TEX9: variants seen among roughly 807,000 people sequenced by gnomAD.
TEX9 encodes testis-expressed protein 9.
In TEX9, 74 loss-of-function variants were observed where a neutral mutation model predicts 59.6. That is an observed-to-expected ratio of 1.24 (90% confidence interval 1.03 to 1.51). TEX9 has a LOEUF of 1.51. Ranked by LOEUF, TEX9 falls within the 40% of genes most tolerant of loss-of-function variation. The probability of loss-of-function intolerance (pLI) is 0.00; values close to 1 mark genes in which losing one functional copy is unlikely to be tolerated. For missense variants in TEX9, 522 were observed against 447.8 expected (o/e 1.17, Z -1.49); for synonymous variants, 186 against 152.2 (o/e 1.22, Z -1.64).
chr15:56,296,049 A>C (rs2045210072), intron 1 of TEX9, among the ~76,000 whole-genome samples: 1 of 152,140 alleles, frequency 6.6e-6, no homozygotes, highest in African/African-American at 2.4e-5. Flanking sequence ...TTGCCATTTG[A>C]ATACTAGCTT....
the TEX9 span, among the ~76,000 whole-genome samples, chr15:56,458,970 A>G: frequency 0.3 from 45,519 of 152,134 alleles, 7,278 homozygotes; most frequent in Middle Eastern, 0.48. Flanking sequence ...TAAATGCTAT[A>G]GATATATATA....
chr15:56,335,485 G>T (rs1023352907), intron 1 of TEX9, among the ~76,000 whole-genome samples: 7 of 152,124 alleles, frequency 4.6e-5, no homozygotes, highest in Admixed American at 3.9e-4. Flanking sequence ...GAATAGAAGG[G>T]TGGTTACCAG....
chr15:56,251,509 G>A (rs572276390), intron 1 of TEX9, among the ~76,000 whole-genome samples: 10 of 152,260 alleles, frequency 6.6e-5, no homozygotes, highest in Middle Eastern at 3.4e-3. Flanking sequence ...ATTAGCTAAC[G>A]GATTGATTCC....
intron 10 of TEX9, among the ~76,000 whole-genome samples, chr15:56,423,600 G>T (rs1255080170): frequency 2.0e-5 from 3 of 151,890 alleles, no homozygotes; most frequent in Non-Finnish European, 2.9e-5. Flanking sequence ...ACAAAGTTGT[G>T]CAACCATCAC....
chr15:56,422,641 T>G (rs1432607372), intron 10 of TEX9, among the ~76,000 whole-genome samples: 1 of 151,894 alleles, frequency 6.6e-6, no homozygotes, highest in East Asian at 1.9e-4. Flanking sequence ...CATTGTTAAT[T>G]TAAAAATTTT....
chr15:56,379,042 C>T (rs1452563839), intron 3 of TEX9, among the ~76,000 whole-genome samples: 1 of 123,932 alleles, frequency 8.1e-6, no homozygotes, highest in African/African-American at 3.1e-5. Context: ...ACAGCCTGGG[C>T]AACAGAGTTT....
chr15:56,258,354 G>A (rs567154014), intron 1 of TEX9, among the ~76,000 whole-genome samples: 22 of 152,006 alleles, frequency 1.4e-4, no homozygotes, highest in Non-Finnish European at 2.4e-4. Context: ...TGGGAGTAGC[G>A]TAGAATCTAT....
At chr15:56,408,851 T>C (rs1358940237) in intron 9 of TEX9, 1 of 152,232 alleles carries the variant, frequency 6.6e-6, no homozygotes, top group Non-Finnish European at 1.5e-5. Flanking sequence ...TTTAAACTAT[T>C]ATAATAACCT....
intron 1 of TEX9, among the ~76,000 whole-genome samples, chr15:56,322,130 C>G (rs1468668118): frequency 6.6e-6 from 1 of 151,686 alleles, no homozygotes; most frequent in Admixed American, 6.6e-5. Context: ...TGTTCCTGTC[C>G]AAAGGAAAAG....
In TEX9 at chr15:56,356,522, G is replaced by A. The variant is rs182914062; in HGVS notation, c.-106-16919G>A. ...AGCATGTACTTTAGAAGTGCCTTTG[G>A]TAGGCATACGTGTGTGCCAAATCTC... On this transcript the variant is annotated intron_variant, in intron 1 of 5. Coordinates refer to the TEX9 transcript ENST00000560827. Among the ~76,000 whole-genome samples the A allele has an allele frequency of 1.2e-4, 18 of 152,058 alleles. No homozygotes were observed. The East Asian group carries it at 2.7e-3, about 23-fold the overall frequency.
chr15:56,445,938 G>A (rs1027543387), downstream of TEX9: 1 of 152,016 alleles, frequency 6.6e-6, no homozygotes, highest in Non-Finnish European at 1.5e-5. Context: ...CTTAGCAAAT[G>A]AAGTCTCTCC....
chr15:56,417,906 C>A (rs1185000480), intron 10 of TEX9, among the ~76,000 whole-genome samples: 1 of 151,848 alleles, frequency 6.6e-6, no homozygotes, highest in African/African-American at 2.4e-5. Flanking sequence ...TTAGGTCTTA[C>A]TGAATTCAAC....
At chr15:56,344,986 T>G (rs1421410739) in intron 1 of TEX9, among the ~76,000 whole-genome samples, 1 of 150,828 alleles carries the variant, frequency 6.6e-6, no homozygotes, top group Non-Finnish European at 1.5e-5. Context: ...GTTTGTCTGC[T>G]TGTTTTGTTT....
chr15:56,246,018 C>A (rs144342845), intron 1 of TEX9, among the ~76,000 whole-genome samples: 3,058 of 152,096 alleles, frequency 0.02, 50 homozygotes, highest in Non-Finnish European at 0.03. Flanking sequence ...GGAGAGTCAT[C>A]GAGGGGGTAA....
chr15:56,438,275 C>T (rs1488629268), intron 12 of TEX9, among the ~76,000 whole-genome samples: 7 of 152,064 alleles, frequency 4.6e-5, no homozygotes, highest in Admixed American at 4.6e-4. Context: ...GAGATATAGA[C>T]CAATGGAACA....
At chr15:56,452,000 G>A in the TEX9 span, among the ~76,000 whole-genome samples, 1 of 151,912 alleles carries the variant, frequency 6.6e-6, no homozygotes, top group Non-Finnish European at 1.5e-5. Context: ...CATCAATTTT[G>A]GCAAATGGTT....
rs553285337 is a variant in TEX9, at chr15:56,331,242, TC to T, written c.-106-42198del. 5.8e-3 allele frequency among the ~76,000 whole-genome samples: 877 copies of T among 152,298 alleles called. 6 individuals carry two copies. Among genetic ancestry groups the T allele is most frequent in the African/African-American group, 0.02 (828 of 41,548 alleles). On this transcript the variant is annotated intron_variant, in intron 1 of 5. Coordinates refer to the TEX9 transcript ENST00000560827. ...CACACCACTTTCAGCATTGGACAGA[TC>T]ATCCAGACAGAAAATCAGCAAGGAA...
At chr15:56,447,466 A>G (rs2050915322), downstream of TEX9, 1 of 144,102 alleles carries the variant, frequency 6.9e-6, no homozygotes, top group Admixed American at 6.7e-5. Context: ...TTAAAAGTCT[A>G]TCGATGTTTA....
intron 9 of TEX9, among the ~76,000 whole-genome samples, chr15:56,404,419 C>A (rs1329665761): frequency 6.6e-6 from 1 of 152,164 alleles, no homozygotes; most frequent in East Asian, 1.9e-4. Flanking sequence ...GAATGCAAAT[C>A]AAAACCGCAA....
Sources: allele counts gnomAD v4.1 joint callset (sites outside exome capture counted in the v4.1 genomes callset), GRCh38; gene constraint gnomAD v4.1.1; transcripts MANE v1.5; gene names NCBI Gene and HGNC (gene_info 2026-07-23, HGNC 2026-07-21).